Variants in RUNX1 observed in about 807,000 individuals in gnomAD.
The protein encoded by RUNX1 is RUNX family transcription factor 1, also known as runt-related transcription factor 1.
RUNX1 carries 19 observed loss-of-function variants against 42.8 expected under a neutral mutation model. The ratio of observed to expected loss-of-function variants is 0.44; its 90% CI spans 0.31 to 0.65. The LOEUF (loss-of-function observed/expected upper bound fraction) is 0.65. Ranked by LOEUF, RUNX1 falls within the 30% of genes least tolerant of loss-of-function variation. The pLI is 0.07. For synonymous variants in RUNX1, 271 were observed against 289.4 expected, an observed-to-expected ratio of 0.94 and a Z score of 0.64; for missense variants, 528 against 672.0, an observed-to-expected ratio of 0.79 and a Z score of 2.37.
intron 3 of RUNX1, among the ~76,000 whole-genome samples, chr21:34,890,265 G>T (rs926859074): frequency 1.2e-4 from 19 of 152,008 alleles, no homozygotes; most frequent in Non-Finnish European, 1.3e-4. Context: ...CTCCCGGAAC[G>T]CCCCCGACGG....
At chr21:34,961,218 C>G (rs1249494603) in intron 2 of RUNX1, among the ~76,000 whole-genome samples, 2 of 151,960 alleles carry the variant, frequency 1.3e-5, no homozygotes, top group Non-Finnish European at 2.9e-5. Flanking sequence ...TACTAAAACA[C>G]AAAAAATTAG....
At chr21:34,883,006 A>G (rs1356295115) in intron 4 of RUNX1, among the ~76,000 whole-genome samples, 1 of 152,202 alleles carries the variant, frequency 6.6e-6, no homozygotes, top group Non-Finnish European at 1.5e-5. Context: ...ATCTTCTTTT[A>G]TAACTACAGG....
At chr21:34,915,902 A>G (rs73900580) in intron 2 of RUNX1, among the ~76,000 whole-genome samples, 2,180 of 152,276 alleles carry the variant, frequency 0.014, 45 homozygotes, top group African/African-American at 0.049. Flanking sequence ...CGTTTTTGGA[A>G]GTGAAAAGCT....
intron 2 of RUNX1, among the ~76,000 whole-genome samples, chr21:34,988,231 G>A (rs547520146): frequency 6.6e-6 from 1 of 152,270 alleles, no homozygotes; most frequent in South Asian, 2.1e-4. Flanking sequence ...GTGCCCCTGG[G>A]GTCAGTACGG....
intron 2 of RUNX1, among the ~76,000 whole-genome samples, chr21:34,981,971 G>C (rs1462267627): frequency 6.6e-6 from 1 of 152,184 alleles, no homozygotes; most frequent in Non-Finnish European, 1.5e-5. Context: ...GTGAGTCTCA[G>C]AACAGCTGCT....
intron 2 of RUNX1, among the ~76,000 whole-genome samples, chr21:35,047,436 A>G (rs2059404021): frequency 1.4e-5 from 2 of 147,276 alleles, no homozygotes; most frequent in Non-Finnish European, 3.0e-5. Flanking sequence ...GCACTTGAAA[A>G]CTCTTTAATT....
chr21:35,026,528 A>T (rs1472171569), intron 2 of RUNX1, among the ~76,000 whole-genome samples: 3 of 152,114 alleles, frequency 2.0e-5, no homozygotes, highest in Non-Finnish European at 4.4e-5. Context: ...TTCTTTTTAA[A>T]TTGTTATTTA....
chr21:34,851,972 T>C (rs983170105), intron 6 of RUNX1, among the ~76,000 whole-genome samples: 6 of 152,096 alleles, frequency 3.9e-5, no homozygotes, highest in Non-Finnish European at 7.4e-5. Flanking sequence ...ATGGAGACCA[T>C]CCTGGCTAAC....
chr21:34,989,910 C>T (rs1353179086), intron 2 of RUNX1, among the ~76,000 whole-genome samples: 1 of 152,178 alleles, frequency 6.6e-6, no homozygotes, highest in Non-Finnish European at 1.5e-5. Flanking sequence ...ACCTCTTACG[C>T]TCCAAGTAGC....
chr21:34,834,735 T>C (rs2057118843), intron 6 of RUNX1, 134 bp from the exon 7 acceptor site: 1 of 769,142 alleles, frequency 1.3e-6, no homozygotes, highest in East Asian at 2.7e-5. Flanking sequence ...CACCCCAACA[T>C]AGACTCGCTA....
chr21:34,912,169 C>T (rs963412214), intron 2 of RUNX1, among the ~76,000 whole-genome samples: 4 of 149,860 alleles, frequency 2.7e-5, no homozygotes, highest in Admixed American at 2.0e-4. Flanking sequence ...ATGAATCAAT[C>T]GATGACAATG....
chr21:34,887,402 C>A, intron 3 of RUNX1: 1 of 1,397,574 alleles, frequency 7.2e-7, no homozygotes, highest in Non-Finnish European at 9.3e-7. Context: ...TTCCACGAAT[C>A]TTGCTTGCAG....
intron 2 of RUNX1, among the ~76,000 whole-genome samples, chr21:35,046,223 T>C (rs1433168051): frequency 6.6e-6 from 1 of 152,236 alleles, no homozygotes; most frequent in East Asian, 1.9e-4. Context: ...TTCTCTGTGG[T>C]AGACCACATC....
chr21:34,966,263 T>C (rs2058717555), intron 2 of RUNX1, among the ~76,000 whole-genome samples: 1 of 152,236 alleles, frequency 6.6e-6, no homozygotes, highest in Non-Finnish European at 1.5e-5. Context: ...CCTTGCATCA[T>C]GAATAATAAT....
intron 7 of RUNX1, among the ~76,000 whole-genome samples, chr21:34,809,580 T>C (rs1397378261): frequency 1.3e-5 from 2 of 152,152 alleles, no homozygotes; most frequent in Non-Finnish European, 2.9e-5. Flanking sequence ...CTTGATAGTC[T>C]ATGCTTGGAA....
intron 6 of RUNX1, among the ~76,000 whole-genome samples, chr21:34,850,636 T>G (rs557095697): frequency 6.6e-6 from 1 of 152,248 alleles, no homozygotes; most frequent in African/African-American, 2.4e-5. Context: ...TTTCACAAAG[T>G]GCAACATTTG....
chr21:34,823,175 T>A (rs915137142), intron 7 of RUNX1, among the ~76,000 whole-genome samples: 7 of 152,250 alleles, frequency 4.6e-5, no homozygotes, highest in Admixed American at 4.6e-4. Context: ...AAGTTAGCGC[T>A]GACTCAGCGA....
intron 5 of RUNX1, among the ~76,000 whole-genome samples, chr21:34,860,718 A>G (rs901005971): frequency 6.6e-6 from 1 of 152,232 alleles, no homozygotes; most frequent in Admixed American, 6.5e-5. Context: ...AAGACAGATG[A>G]AAGGAAAATA....
At chr21:34,831,145 G>A (rs980356386) in intron 7 of RUNX1, among the ~76,000 whole-genome samples, 1 of 152,130 alleles carries the variant, frequency 6.6e-6, no homozygotes, top group Non-Finnish European at 1.5e-5. Flanking sequence ...AGACTCGATC[G>A]TAGAAGTTAA....
Sources: allele counts gnomAD v4.1 joint callset (sites outside exome capture counted in the v4.1 genomes callset), GRCh38; gene constraint gnomAD v4.1.1; transcripts MANE v1.5; gene names NCBI Gene and HGNC (gene_info 2026-07-23, HGNC 2026-07-21).